Variants in SH3BP2 observed in about 807,000 individuals in gnomAD.
The protein encoded by SH3BP2 is SH3 domain binding protein 2.
A neutral mutation model predicts 56.2 loss-of-function variants in SH3BP2; 38 were observed. The ratio of observed to expected loss-of-function variants is 0.68; its 90% CI spans 0.52 to 0.89. The LOEUF (loss-of-function observed/expected upper bound fraction) is 0.89. Among genes scored for constraint, SH3BP2 ranks in the 40% least tolerant of loss-of-function variants. The pLI is 0.00. For missense variants in SH3BP2, 748 were observed against 762.6 expected (o/e 0.98, Z 0.23); for synonymous variants, 346 against 316.7 (o/e 1.09, Z -0.98).
At chr4:2,824,991 C>T (rs1330385561) in intron 4 of SH3BP2, 135 bp from the exon 5 acceptor site, 4 of 829,324 alleles carry the variant, frequency 4.8e-6, no homozygotes, top group Non-Finnish European at 6.1e-6. Flanking sequence ...AGCCACACAG[C>T]CATGTTGTAT....
chr4:2,819,580 A>G (rs1299162560), intron 1 of SH3BP2, among the ~76,000 whole-genome samples: 12 of 152,234 alleles, frequency 7.9e-5, no homozygotes, highest in African/African-American at 2.9e-4. Context: ...ATCCAACTCC[A>G]CTGGGGCCAC....
At position 2,813,084 on chromosome 4, in the gene SH3BP2, G is replaced by T. The variant is rs1476840442; in HGVS notation, c.-4-7530G>T. Among the ~76,000 whole-genome samples, 3 of 152,214 alleles carry T rather than the reference G, an allele frequency of 2.0e-5. No individual in the cohort carries two copies. The East Asian group carries it at 5.8e-4, about 29-fold the overall frequency. ...CATAGCTGGTTACTGGGCCTTTACG[G>T]GAGAATTTTGGTTTTGATTATGTTA... On this transcript the variant is annotated intron_variant, in intron 1 of 12. Coordinates refer to ENST00000503393, the MANE Select transcript of SH3BP2 (RefSeq NM_001122681.2).
In SH3BP2 at chr4:2,833,684, T is replaced by C; in HGVS notation, c.1549-13T>C. 1 of 1,608,746 alleles carries C rather than the reference T, an allele frequency of 6.2e-7. No homozygotes were observed. The highest frequency in any genetic ancestry group is 1.1e-5 in the South Asian group (1 of 89,928). On this transcript the variant is annotated splice_polypyrimidine_tract_variant and intron_variant, in intron 12 of 12. Transcript: ENST00000503393. Reference sequence around the variant, plus strand: ...CTGGCCCTGCTGACGCTCCCCCTTCTCTTCCCCCACAGGACTCTAAGTTCT... The same window carrying C: ...CTGGCCCTGCTGACGCTCCCCCTTCCCTTCCCCCACAGGACTCTAAGTTCT...
intron 2 of SH3BP2, among the ~76,000 whole-genome samples, chr4:2,821,355 G>C (rs1311261711): frequency 6.6e-6 from 1 of 152,236 alleles, no homozygotes; most frequent in African/African-American, 2.4e-5. Flanking sequence ...AGGCTGGACT[G>C]ATTGGTTCCT....
chr4:2,799,247 C>T, intron 1 of SH3BP2: 4 of 985,482 alleles, frequency 4.1e-6, no homozygotes, highest in Non-Finnish European at 4.8e-6. Context: ...CCCCTCGGGA[C>T]CCTCACCGCG....
rs142735744 is a variant in SH3BP2, at chr4:2,833,721, G to A, written c.1573G>A (p.Glu525Lys). The A allele has an allele frequency of 5.7e-5, 92 of 1,610,450 alleles. No individual in the cohort carries two copies. Among genetic ancestry groups the A allele is most frequent in the African/African-American group, 8.0e-5 (6 of 74,964 alleles). ...EKDSKFYLEG[E>K]VLFVSVGSMV... ...GGACTCTAAGTTCTACCTGGAGGGC[G>A]AGGTCCTGTTTGTGAGTGTGGGCAG... The change falls in exon 13 of 13, where the codon GAG becomes AAG. Residue 525 changes from glutamate to lysine, a missense_variant. Around this residue, in one of 3 missense-constraint regions of SH3BP2, gnomAD observed 635 missense variants for 615.0 expected, o/e 1.03. Transcript: ENST00000503393.
intron 1 of SH3BP2, chr4:2,812,456 T>C: frequency 1.9e-6 from 3 of 1,550,132 alleles, no homozygotes; most frequent in Middle Eastern, 1.7e-4. Context: ...CGGAGGGCCA[T>C]GTGTTGGGTC....
chr4:2,806,378 G>A (rs1387070484), intron 1 of SH3BP2, among the ~76,000 whole-genome samples: 1 of 152,194 alleles, frequency 6.6e-6, no homozygotes, highest in Non-Finnish European at 1.5e-5. Flanking sequence ...CAGGAACTTG[G>A]GGTGGTGGAC....
Position 2,831,734 on chromosome 4 carries a change from G to A in SH3BP2, c.1350+55G>A. On this transcript the variant is annotated intron_variant, in intron 9 of 12. Transcript: ENST00000503393. The surrounding 1 kb of genome is among the most constrained non-coding windows in gnomAD (Gnocchi z 4.1). ...GTGGCCAGTAGGTGGACAGGTGGTG[G>A]GAAAGCCATAGGCCAGGGCGGCCCC... is the stretch of plus-strand genomic sequence containing the variant. The A allele has an allele frequency of 1.3e-6, 2 of 1,483,380 alleles. No homozygotes were observed. Among genetic ancestry groups the A allele is most frequent in the South Asian group, 1.2e-5 (1 of 84,044 alleles). The allele number at this position is 1,483,380 out of a possible 1,614,324, so 91.9% of individuals were successfully genotyped here. A position where few individuals can be genotyped will look rare whatever the true frequency, so the allele number is the denominator to read the frequency against.
At chr4:2,796,324 C>T (rs903141667) in intron 1 of SH3BP2, 1 of 793,500 alleles carries the variant, frequency 1.3e-6, no homozygotes, top group African/African-American at 1.9e-5. Flanking sequence ...GGTGCAGGCT[C>T]CCAGGAGGGG....
chr4:2,833,040 T>C lies in SH3BP2; in HGVS notation c.1539T>C (p.Ile513=), dbSNP rs771590233. 1 of 1,614,050 alleles carries C rather than the reference T, an allele frequency of 6.2e-7. No homozygotes were observed. The highest frequency in any genetic ancestry group is 8.5e-7 in the Non-Finnish European group (1 of 1,180,028). ...ETSNKVRNYR[I]FEKDSKFYLE... ...CTAACAAAGTGAGGAACTATCGCATTTTTGAGAAGGTGAGAGGGCTCTGAG... is the reference window on the plus strand; with the variant it reads ...CTAACAAAGTGAGGAACTATCGCATCTTTGAGAAGGTGAGAGGGCTCTGAG... Residue 513 remains isoleucine (I), a synonymous_variant, in exon 12 of 13, where the codon ATT becomes ATC. Coordinates refer to ENST00000503393, the MANE Select transcript of SH3BP2 (RefSeq NM_001122681.2).
intron 1 of SH3BP2, among the ~76,000 whole-genome samples, chr4:2,801,732 G>A (rs1392422059): frequency 6.6e-6 from 1 of 152,216 alleles, no homozygotes; most frequent in East Asian, 1.9e-4. Context: ...ATGACAAGAA[G>A]CAGAAGGCAA....
intron 5 of SH3BP2, among the ~76,000 whole-genome samples, chr4:2,826,021 G>T (rs1406804300): frequency 3.9e-5 from 6 of 152,282 alleles, no homozygotes; most frequent in Non-Finnish European, 8.8e-5. Flanking sequence ...TGCCCTGCAG[G>T]TCCCTGCCTG....
intron 1 of SH3BP2, among the ~76,000 whole-genome samples, chr4:2,813,009 G>T (rs1309562413): frequency 1.3e-5 from 2 of 152,214 alleles, no homozygotes; most frequent in African/African-American, 4.8e-5. Context: ...GGCTGTGCTC[G>T]CAGAGCCCAG....
intron 2 of SH3BP2, among the ~76,000 whole-genome samples, chr4:2,821,029 A>G (rs1283024488): frequency 6.6e-6 from 1 of 152,146 alleles, no homozygotes; most frequent in Non-Finnish European, 1.5e-5. Context: ...GTGGCCAGGT[A>G]GGTCTGGCCT....
rs1361944284 is a variant in SH3BP2, at chr4:2,827,304, C to G, written c.503C>G (p.Pro168Arg). Residue 168 changes from proline (P) to arginine (R), a missense_variant, in exon 6 of 13, where the codon CCC (proline) becomes CGC (arginine). This residue lies in a region of SH3BP2 where 635 missense variants were observed against 615.0 expected (regional missense o/e 1.03). Coordinates refer to ENST00000503393, the MANE Select transcript of SH3BP2 (RefSeq NM_001122681.2). ...RPVDISLSPYPTDNEDYEHDD... is the reference protein window; with the variant it reads ...RPVDISLSPYRTDNEDYEHDD... Reference sequence around the variant, plus strand: ...GTGGATATCAGCCTTTCCCCGTACCCCACGGACAATGAAGGTGAGGTCTTT... The same window carrying G: ...GTGGATATCAGCCTTTCCCCGTACCGCACGGACAATGAAGGTGAGGTCTTT... 1.2e-6 allele frequency: 2 copies of G among 1,614,100 alleles called. No individual in the cohort carries two copies. The highest frequency in any genetic ancestry group is 3.3e-5 in the Admixed American group (2 of 60,032).
In SH3BP2 at chr4:2,833,892, C is replaced by G; in HGVS notation, c.*58C>G. The G allele has an allele frequency of 6.6e-7, 1 of 1,511,144 alleles. No individual in the cohort carries two copies. The highest frequency in any genetic ancestry group is 1.2e-5 in the South Asian group (1 of 81,570). 93.6% of individuals were successfully genotyped at this position (1,511,144 alleles called of 1,614,324 possible). A position where few individuals can be genotyped will look rare whatever the true frequency, so the allele number is the denominator to read the frequency against. On this transcript the variant is annotated 3_prime_UTR_variant, in exon 13 of 13. Coordinates refer to ENST00000503393, the MANE Select transcript of SH3BP2 (RefSeq NM_001122681.2). ...TCACAGGGGCCCTGACCCCAGGCCA[C>G]ACAGACGGACATGGGCCCACATGGG...
chr4:2,813,446 C>T (rs891832119), intron 1 of SH3BP2, among the ~76,000 whole-genome samples: 5 of 152,246 alleles, frequency 3.3e-5, no homozygotes, highest in South Asian at 2.1e-4. Context: ...CCAGTGCGCT[C>T]GGCACAAGGC....
chr4:2,807,859 G>A (rs1259990535), intron 1 of SH3BP2, among the ~76,000 whole-genome samples: 2 of 152,288 alleles, frequency 1.3e-5, no homozygotes, highest in East Asian at 3.9e-4. Flanking sequence ...CAGGAGGGTG[G>A]GAGGTGGAGA....
Sources: allele counts gnomAD v4.1 joint callset (sites outside exome capture counted in the v4.1 genomes callset), GRCh38; gene constraint gnomAD v4.1.1; regional missense constraint gnomAD v4.1.1; non-coding constraint Gnocchi (gnomAD v3.1); transcripts MANE v1.5; gene names NCBI Gene and HGNC (gene_info 2026-07-23, HGNC 2026-07-21).